Variants in FRMD4A observed in about 807,000 individuals in gnomAD.
FRMD4A encodes the protein FERM domain containing 4A.
FRMD4A carries 29 observed loss-of-function variants against 129.1 expected under a neutral mutation model. The ratio of observed to expected loss-of-function variants is 0.22; its 90% CI spans 0.17 to 0.31. The LOEUF is 0.31. FRMD4A is among the 10% of genes least tolerant of loss of function. The pLI, the probability that FRMD4A is intolerant of heterozygous loss-of-function variation, is 1.00. For missense variants in FRMD4A, 1,272 were observed against 1,375.8 expected (o/e 0.92, Z 1.19); for synonymous variants, 634 against 571.6 (o/e 1.11, Z -1.56).
chr10:13,728,972 C>T (rs988084635), intron 12 of FRMD4A, among the ~76,000 whole-genome samples: 3 of 152,190 alleles, frequency 2.0e-5, no homozygotes, highest in African/African-American at 7.2e-5. Context: ...AGGATTGATG[C>T]TTTGAGAAGA....
At chr10:14,288,359 C>CAA (rs1845748385) in intron 2 of FRMD4A, among the ~76,000 whole-genome samples, 1 of 152,012 alleles carries the variant, frequency 6.6e-6, no homozygotes, top group Non-Finnish European at 1.5e-5. Context: ...GGGAAGGAGA[C>CAA]AAAGGTTTGC....
intron 2 of FRMD4A, among the ~76,000 whole-genome samples, chr10:14,325,223 TA>T (rs2132125970): frequency 6.6e-6 from 1 of 152,368 alleles, no homozygotes; most frequent in East Asian, 1.9e-4. Flanking sequence ...ATAGGCTTAT[TA>T]CAAATTCTGA....
At chr10:13,768,827 G>A (rs1019979224) in intron 6 of FRMD4A, among the ~76,000 whole-genome samples, 4 of 152,006 alleles carry the variant, frequency 2.6e-5, no homozygotes, top group African/African-American at 4.8e-5. Context: ...ACTGGGTTTG[G>A]TGAGGCATAA....
intron 5 of FRMD4A, among the ~76,000 whole-genome samples, chr10:13,793,866 A>C (rs923670524): frequency 1.3e-5 from 2 of 152,172 alleles, no homozygotes; most frequent in Non-Finnish European, 2.9e-5. Context: ...GACGGAATTC[A>C]CCTATATAGA....
At chr10:13,971,873 A>T (rs2095520727) in intron 2 of FRMD4A, 1 of 1,294,538 alleles carries the variant, frequency 7.7e-7, no homozygotes, top group South Asian at 1.2e-5. Context: ...TTAGTGACAC[A>T]AAGTGCCAAT....
chr10:13,797,328 G>C (rs1052238917), intron 4 of FRMD4A, among the ~76,000 whole-genome samples: 4 of 152,182 alleles, frequency 2.6e-5, no homozygotes, highest in Admixed American at 2.6e-4. Context: ...ATCACACACA[G>C]TGTCTGAAAA....
intron 2 of FRMD4A, among the ~76,000 whole-genome samples, chr10:14,112,439 A>G (rs1837963164): frequency 6.6e-6 from 1 of 152,190 alleles, no homozygotes; most frequent in Admixed American, 6.5e-5. Context: ...TTTCAAAAGA[A>G]TAAAATAGCT....
At chr10:14,004,764 A>G (rs531384831) in intron 2 of FRMD4A, among the ~76,000 whole-genome samples, 4 of 152,326 alleles carry the variant, frequency 2.6e-5, no homozygotes, top group East Asian at 1.9e-4. Context: ...GAGTCACTCT[A>G]TCAAGGCCAT....
chr10:13,764,265 G>A (rs2092194563), intron 6 of FRMD4A, among the ~76,000 whole-genome samples: 1 of 151,260 alleles, frequency 6.6e-6, no homozygotes, highest in Non-Finnish European at 1.5e-5. Context: ...CACACTTTGG[G>A]AGGCAGAGGC....
At chr10:14,318,329 CT>C (rs368474626) in intron 2 of FRMD4A, among the ~76,000 whole-genome samples, 11 of 145,846 alleles carry the variant, frequency 7.5e-5, no homozygotes, top group Admixed American at 6.8e-5. Context: ...CCCCCCCCAC[CT>C]TTTTTTTTTT....
chr10:14,023,425 A>C (rs1832850364), intron 2 of FRMD4A, among the ~76,000 whole-genome samples: 1 of 152,210 alleles, frequency 6.6e-6, no homozygotes, highest in Admixed American at 6.5e-5. Context: ...TACTATAAAG[A>C]AAGCGCCAAC....
intron 2 of FRMD4A, among the ~76,000 whole-genome samples, chr10:14,043,742 C>T (rs1300274381): frequency 6.6e-6 from 1 of 152,234 alleles, no homozygotes; most frequent in Non-Finnish European, 1.5e-5. Flanking sequence ...ATTGACTTCT[C>T]ATCAAACTAG....
chr10:13,823,303 A>C (rs11258649), intron 3 of FRMD4A, among the ~76,000 whole-genome samples: 11,441 of 152,222 alleles, frequency 0.075, 552 homozygotes, highest in Admixed American at 0.11. Flanking sequence ...TGATGAATAG[A>C]GCAACCCCCA....
At chr10:14,210,808 A>G (rs1335923327) in intron 2 of FRMD4A, among the ~76,000 whole-genome samples, 2 of 152,238 alleles carry the variant, frequency 1.3e-5, no homozygotes, top group East Asian at 3.9e-4. Context: ...GCTCACTGCA[A>G]CCTCTGTCTC....
chr10:13,880,247 C>G lies in FRMD4A; in HGVS notation c.46-21335G>C, dbSNP rs144489057. Among the ~76,000 whole-genome samples the G allele has an allele frequency of 2.7e-3, 409 of 152,246 alleles. 3 individuals carry two copies. Among genetic ancestry groups the G allele is most frequent in the African/African-American group, 9.2e-3 (381 of 41,558 alleles). On this transcript the variant is annotated intron_variant, in intron 2 of 24. Coordinates refer to ENST00000357447, the MANE Select transcript of FRMD4A (RefSeq NM_018027.5). ...TTTCCCCAGATCACAGCTTCCCCTC[C>G]CAGGTAATGGTAGCTCTGCCTCGTC...
chr10:14,326,619 C>CT (rs1843286806), intron 2 of FRMD4A: 1 of 390,346 alleles, frequency 2.6e-6, no homozygotes. Flanking sequence ...GAAGGTGAGC[C>CT]TTTATAATCT....
At chr10:13,687,736 A>T (rs1469231616) in intron 15 of FRMD4A, among the ~76,000 whole-genome samples, 3 of 152,236 alleles carry the variant, frequency 2.0e-5, no homozygotes, top group Non-Finnish European at 4.4e-5. Flanking sequence ...CACAGGGCAG[A>T]GTGAATCCAA....
intron 2 of FRMD4A, among the ~76,000 whole-genome samples, chr10:14,096,409 C>T (rs534487241): frequency 1.3e-5 from 2 of 152,312 alleles, no homozygotes; most frequent in South Asian, 4.1e-4. Context: ...GACTAAGCCA[C>T]CTGCTGAATT....
Position 14,095,123 on chromosome 10 carries a change from A to G in FRMD4A, c.45+234935T>C, listed in dbSNP as rs539548812. Among the ~76,000 whole-genome samples, 177 of 152,310 alleles carry G rather than the reference A, an allele frequency of 1.2e-3. 1 individual carries two copies. The highest frequency in any genetic ancestry group is 3.4e-4 in the Non-Finnish European group (23 of 68,024). Reference sequence around the variant, plus strand: ...CTGAAGGGTGAGTTTTAACGCTGTGATAGTTAAGGGGAAACCAAGACAAAG... The same window carrying G: ...CTGAAGGGTGAGTTTTAACGCTGTGGTAGTTAAGGGGAAACCAAGACAAAG... On this transcript the variant is annotated intron_variant, in intron 2 of 24. Transcript: ENST00000357447.
Sources: gnomAD v4.1 joint callset for allele counts (sites outside exome capture counted in the v4.1 genomes callset) on GRCh38, gnomAD v4.1.1 for gene constraint, MANE v1.5 for transcripts, NCBI Gene and HGNC (gene_info 2026-07-23, HGNC 2026-07-21) for gene names.